MKNK1: variants seen among roughly 807,000 people sequenced by gnomAD.
MKNK1 encodes MAP kinase-interacting serine/threonine-protein kinase 1.
Under a neutral mutation model 49.3 loss-of-function variants are expected in MKNK1, and 30 were observed. The observed-to-expected ratio is 0.61, with a 90% CI of 0.46 to 0.83. The LOEUF is 0.83. Ranked by LOEUF, MKNK1 falls within the 40% of genes least tolerant of loss-of-function variation. MKNK1 has a pLI of 0.00. For missense variants in MKNK1, 423 were observed against 524.7 expected (o/e 0.81, Z 1.89); for synonymous variants, 176 against 201.7 (o/e 0.87, Z 1.08).
intron 2 of MKNK1, among the ~76,000 whole-genome samples, chr1:46,587,651 C>T (rs1273397606): frequency 6.6e-6 from 1 of 152,094 alleles, no homozygotes; most frequent in South Asian, 2.1e-4. Flanking sequence ...AACCTCGTCT[C>T]TACTAAAAGT....
At chr1:46,574,648 TA>T in intron 6 of MKNK1, 1 of 301,750 alleles carries the variant, frequency 3.3e-6, no homozygotes, top group Non-Finnish European at 6.2e-6. Flanking sequence ...TTAATGTAGT[TA>T]AACAGTGAAC....
Position 46,564,466 on chromosome 1 carries a change from G to GTTTTTTTTTTTTTTT in MKNK1, c.609+560_609+574dup, listed in dbSNP as rs568296534. On this transcript the variant is annotated intron_variant, in intron 9 of 12. Transcript: ENST00000371945. Reference sequence around the variant, plus strand: ...GGGCTCAGCCTGTGTTTTTTTTATTGTTTTTTTTTTTTTTTTTTTTTTTTT... The same window carrying GTTTTTTTTTTTTTTT: ...GGGCTCAGCCTGTGTTTTTTTTATTGTTTTTTTTTTTTTTTTTTTTTTTTTTTTTTTTTTTTTTTT... 5.3e-3 allele frequency among the ~76,000 whole-genome samples: 375 copies of GTTTTTTTTTTTTTTT among 70,142 alleles called. 59 individuals carry two copies. Among genetic ancestry groups the GTTTTTTTTTTTTTTT allele is most frequent in the African/African-American group, 6.8e-3 (99 of 14,664 alleles). The allele number at this position is 70,142 out of a possible 152,430, so 46.0% of individuals were successfully genotyped here.
chr1:46,601,239 C>A (rs1168381783), intron 1 of MKNK1, among the ~76,000 whole-genome samples: 1 of 152,202 alleles, frequency 6.6e-6, no homozygotes, highest in Admixed American at 6.5e-5. Context: ...CAATCAAGTC[C>A]TTTCCCCATC....
chr1:46,558,937 C>T (rs116284859), intron 12 of MKNK1, 137 bp from the exon 13 acceptor site: 8,990 of 700,964 alleles, frequency 0.013, 95 homozygotes, highest in Non-Finnish European at 0.017. Flanking sequence ...GCTGCTCTCT[C>T]CAAAGTAGTT....
At chr1:46,584,946 T>C (rs959042394) in intron 2 of MKNK1, 2 of 152,098 alleles carry the variant, frequency 1.3e-5, no homozygotes, top group African/African-American at 2.4e-5. Context: ...CAACACCCTA[T>C]GAATTGAAAG....
rs1286115548 is a variant in MKNK1, at chr1:46,558,356, G to A, written c.*219C>T. The stretch of plus-strand genomic sequence containing the variant: ...CAATTATGCAAAGTGAGAAGTGATT[G>A]CTTTCCTTTTCAAAGACAACCCCTT... On this transcript the variant is annotated 3_prime_UTR_variant, in exon 13 of 13. Coordinates refer to ENST00000371945, the MANE Select transcript of MKNK1 (RefSeq NM_001135553.4). 1 of 548,210 alleles carries A rather than the reference G, an allele frequency of 1.8e-6. No individual in the cohort carries two copies. The highest frequency in any genetic ancestry group is 3.2e-6 in the Non-Finnish European group (1 of 314,636). The allele number at this position is 548,210 out of a possible 1,614,324, so 34.0% of individuals were successfully genotyped here.
At chr1:46,560,848 C>T (rs1667832859) in intron 11 of MKNK1, among the ~76,000 whole-genome samples, 1 of 152,166 alleles carries the variant, frequency 6.6e-6, no homozygotes, top group African/African-American at 2.4e-5. Context: ...TTGCCTCCTT[C>T]CACTGGTAGG....
intron 2 of MKNK1, among the ~76,000 whole-genome samples, chr1:46,592,441 T>C (rs1570306866): frequency 6.6e-6 from 1 of 152,330 alleles, no homozygotes; most frequent in Non-Finnish European, 1.5e-5. Context: ...GGGACCCCCA[T>C]GGTCTGCAGT....
chr1:46,562,979 G>T, intron 9 of MKNK1, 136 bp from the exon 10 acceptor site: 1 of 724,300 alleles, frequency 1.4e-6, no homozygotes, highest in East Asian at 3.1e-5. Flanking sequence ...GATCAGGAAG[G>T]CCAGCCAGTG....
intron 1 of MKNK1, among the ~76,000 whole-genome samples, chr1:46,600,268 A>G (rs1350724081): frequency 6.6e-6 from 1 of 152,206 alleles, no homozygotes; most frequent in African/African-American, 2.4e-5. Context: ...CTGAGAAGAC[A>G]ATTATTTATA....
At chr1:46,560,341 C>A in intron 11 of MKNK1, 64 bp from the exon 12 acceptor site, 16 of 1,565,282 alleles carry the variant, frequency 1.0e-5, no homozygotes, top group Non-Finnish European at 1.3e-5. Flanking sequence ...ACTGCCCCAC[C>A]CAAGCCAGCA....
At chr1:46,564,314 C>A (rs189919657) in intron 9 of MKNK1, among the ~76,000 whole-genome samples, 6 of 152,022 alleles carry the variant, frequency 3.9e-5, no homozygotes, top group Non-Finnish European at 7.4e-5. Flanking sequence ...AGCTCTCCAT[C>A]CCCCATTACA....
intron 1 of MKNK1, among the ~76,000 whole-genome samples, chr1:46,596,805 C>A (rs1674123600): frequency 1.3e-5 from 2 of 152,192 alleles, no homozygotes; most frequent in Non-Finnish European, 2.9e-5. Context: ...TCCAGATCAA[C>A]TGCAGCTCTG....
chr1:46,585,850 C>G, intron 2 of MKNK1: 1 of 1,184,886 alleles, frequency 8.4e-7, no homozygotes, highest in Non-Finnish European at 1.2e-6. Flanking sequence ...TTTATGGCTT[C>G]ACACACACAC....
chr1:46,583,414 G>T (rs574239257), intron 2 of MKNK1, 85 bp from the exon 3 acceptor site: 1 of 1,014,580 alleles, frequency 9.9e-7, no homozygotes, highest in East Asian at 2.4e-5. Context: ...AAAAGGTAGT[G>T]GGGGAGGACC....
rs1273397606 is a variant in MKNK1 at position 46,587,651 on chromosome 1, C to G, written c.-2-4322G>C. Among the ~76,000 whole-genome samples the G allele has an allele frequency of 2.0e-5, 3 of 152,094 alleles. No homozygotes were observed. In the South Asian group the frequency reaches 6.2e-4, roughly 32 times the overall value. On this transcript the variant is annotated intron_variant, in intron 2 of 12. Coordinates refer to ENST00000371945, the MANE Select transcript of MKNK1 (RefSeq NM_001135553.4). ...TGACCAACATGGAGAAACCTCGTCT[C>G]TACTAAAAGTACAAAATTAGCCAGG... is the stretch of plus-strand genomic sequence containing the variant.
Position 46,598,201 on chromosome 1 carries a change from A to C in MKNK1, c.-170-3921T>G, listed in dbSNP as rs373565641. Among the ~76,000 whole-genome samples, 41 of 152,198 alleles carry C rather than the reference A, an allele frequency of 2.7e-4. 1 individual carries two copies. Among genetic ancestry groups the C allele is most frequent in the East Asian group, 1.3e-3 (7 of 5,196 alleles). On this transcript the variant is annotated intron_variant, in intron 1 of 12. Coordinates refer to ENST00000371945, the MANE Select transcript of MKNK1 (RefSeq NM_001135553.4). ...GCACCACTTTTCCAGAGATACTGTT[A>C]TTGTACTTTTGGCAAGTGAATTGGA...
At chr1:46,584,394 CCTT>C (rs2148708347) in intron 2 of MKNK1, 1 of 152,302 alleles carries the variant, frequency 6.6e-6, no homozygotes, top group South Asian at 2.1e-4. Flanking sequence ...ACCTTTACAT[CCTT>C]CTAAAATAGA....
At chr1:46,582,824 A>C in intron 3 of MKNK1, 1 of 462,748 alleles carries the variant, frequency 2.2e-6, no homozygotes, top group South Asian at 1.6e-5. Context: ...AGGAGACTGA[A>C]GTTTCATTTG....
Sources: allele counts gnomAD v4.1 joint callset (sites outside exome capture counted in the v4.1 genomes callset), GRCh38; gene constraint gnomAD v4.1.1; transcripts MANE v1.5; gene names NCBI Gene and HGNC (gene_info 2026-07-23, HGNC 2026-07-21).